Variants in KCNAB1 observed in about 807,000 individuals in gnomAD.
The protein encoded by KCNAB1 is voltage-gated potassium channel subunit beta-1.
KCNAB1 carries 35 observed loss-of-function variants against 64.6 expected under a neutral mutation model. That is an observed-to-expected ratio of 0.54 (90% CI 0.41 to 0.72). The LOEUF is 0.72. Ranked by LOEUF, KCNAB1 falls within the 30% of genes least tolerant of loss-of-function variation. The probability of loss-of-function intolerance (pLI) is 0.00; values close to 1 mark genes in which losing one functional copy is unlikely to be tolerated. For missense variants in KCNAB1, 401 were observed against 512.9 expected (o/e 0.78, Z 2.11); for synonymous variants, 177 against 183.8 (o/e 0.96, Z 0.30).
At chr3:156,280,964 C>T (rs1002322477) in intron 1 of KCNAB1, among the ~76,000 whole-genome samples, 1 of 149,772 alleles carries the variant, frequency 6.7e-6, no homozygotes, top group African/African-American at 2.5e-5. Flanking sequence ...ATTTCCTTCT[C>T]CTGCCTAATT....
intron 8 of KCNAB1, among the ~76,000 whole-genome samples, chr3:156,482,484 G>A (rs528787110): frequency 5.3e-5 from 8 of 151,442 alleles, no homozygotes; most frequent in Non-Finnish European, 1.0e-4. Flanking sequence ...CTAATCATGG[G>A]AGGGGGCTAG....
At chr3:156,348,508 C>T (rs538111402) in intron 1 of KCNAB1, among the ~76,000 whole-genome samples, 67 of 152,096 alleles carry the variant, frequency 4.4e-4, no homozygotes, top group Admixed American at 9.2e-4. Context: ...GCCTGAGATG[C>T]GGGGATGGTG....
intron 1 of KCNAB1, among the ~76,000 whole-genome samples, chr3:156,326,723 C>T (rs1212870503): frequency 6.6e-6 from 1 of 152,150 alleles, no homozygotes; most frequent in African/African-American, 2.4e-5. Context: ...CAGCATTTGG[C>T]ATGGCTCCCT....
At chr3:156,228,085 G>A (rs147561541) in intron 1 of KCNAB1, among the ~76,000 whole-genome samples, 2 of 152,168 alleles carry the variant, frequency 1.3e-5, no homozygotes, top group East Asian at 3.9e-4. Flanking sequence ...TTAAAATTTT[G>A]CACAATAATT....
intron 11 of KCNAB1, among the ~76,000 whole-genome samples, chr3:156,516,922 T>C (rs1002377000): frequency 6.6e-6 from 1 of 152,172 alleles, no homozygotes; most frequent in African/African-American, 2.4e-5. Flanking sequence ...TAAATTCTGC[T>C]CTGAAGCAAA....
chr3:156,143,297 A>G (rs1714815209), intron 1 of KCNAB1: 1 of 1,613,688 alleles, frequency 6.2e-7, no homozygotes, highest in Non-Finnish European at 8.5e-7. Flanking sequence ...ACTCAGCCTC[A>G]GGCGGCCTGC....
At chr3:156,346,268 G>A (rs1447676624) in intron 1 of KCNAB1, among the ~76,000 whole-genome samples, 1 of 151,988 alleles carries the variant, frequency 6.6e-6, no homozygotes, top group African/African-American at 2.4e-5. Flanking sequence ...CTTTTGAACT[G>A]GTAGGAGAAA....
intron 1 of KCNAB1, among the ~76,000 whole-genome samples, chr3:156,324,568 G>T (rs1313578912): frequency 1.3e-5 from 2 of 152,076 alleles, no homozygotes; most frequent in African/African-American, 4.8e-5. Context: ...CTAATTTGAT[G>T]CCACACGCTC....
chr3:156,425,884 G>GTTGC (rs1463472283), intron 2 of KCNAB1, among the ~76,000 whole-genome samples: 1 of 152,166 alleles, frequency 6.6e-6, no homozygotes, highest in Non-Finnish European at 1.5e-5. Flanking sequence ...GGGAACAAGG[G>GTTGC]TTGCCACTTG....
intron 7 of KCNAB1, among the ~76,000 whole-genome samples, chr3:156,469,342 C>T (rs897862355): frequency 3.3e-5 from 5 of 149,866 alleles, no homozygotes; most frequent in African/African-American, 9.9e-5. Flanking sequence ...CTGCAACCTC[C>T]GCCTCCAGGG....
At chr3:156,416,830 T>C (rs1472407744) in intron 1 of KCNAB1, among the ~76,000 whole-genome samples, 1 of 152,258 alleles carries the variant, frequency 6.6e-6, no homozygotes, top group African/African-American at 2.4e-5. Flanking sequence ...TCGGGTGTTT[T>C]ATTTGTCCAA....
chr3:156,258,212 CA>C (rs1241790426), intron 1 of KCNAB1, among the ~76,000 whole-genome samples: 1 of 152,180 alleles, frequency 6.6e-6, no homozygotes, highest in Admixed American at 6.5e-5. Flanking sequence ...GTCACATATA[CA>C]CACCCAGAGC....
chr3:156,275,648 C>T (rs1265398601), intron 1 of KCNAB1, among the ~76,000 whole-genome samples: 3 of 152,174 alleles, frequency 2.0e-5, no homozygotes, highest in Non-Finnish European at 2.9e-5. Context: ...AGAATATTCA[C>T]AGCATCTTTA....
rs1433360485 is a variant in KCNAB1, at chr3:156,538,523, G to A, written c.*1776G>A. 1.3e-5 allele frequency: 2 copies of A among 152,210 alleles called. No homozygotes were observed. The highest frequency in any genetic ancestry group is 2.9e-5 in the Non-Finnish European group (2 of 68,028). The allele number at this position is 152,210 out of a possible 1,614,324, so 9.4% of individuals were successfully genotyped here. A position where few individuals can be genotyped will look rare whatever the true frequency, so the allele number is the denominator to read the frequency against. ...AGCGAACTGCTGTATGTATAGAGGA[G>A]CTGAGGTGCTGTCTAATGGGAAATG... is the stretch of plus-strand genomic sequence containing the variant. On this transcript the variant is annotated 3_prime_UTR_variant, in exon 14 of 14. Coordinates refer to ENST00000490337, the MANE Select transcript of KCNAB1 (RefSeq NM_172160.3).
chr3:156,411,865 C>T (rs1200596811), intron 1 of KCNAB1, among the ~76,000 whole-genome samples: 1 of 152,086 alleles, frequency 6.6e-6, no homozygotes, highest in Non-Finnish European at 1.5e-5. Context: ...TATCTGAGTT[C>T]TTTTATCTTA....
At chr3:156,176,456 G>A (rs896043179) in intron 1 of KCNAB1, 2 of 785,682 alleles carry the variant, frequency 2.5e-6, no homozygotes, top group African/African-American at 3.4e-5. Flanking sequence ...CACAAAGGAA[G>A]TATGTCCCTT....
intron 12 of KCNAB1, among the ~76,000 whole-genome samples, chr3:156,530,474 CG>C (rs1333547160): frequency 1.3e-5 from 2 of 151,978 alleles, no homozygotes. Flanking sequence ...AGGTCATTTT[CG>C]GGAAAAGAAA....
intron 13 of KCNAB1, among the ~76,000 whole-genome samples, chr3:156,533,848 G>A (rs1196825664): frequency 1.3e-5 from 2 of 152,156 alleles, no homozygotes; most frequent in South Asian, 2.1e-4. Context: ...GCCTAGGGAT[G>A]GCATATGAGG....
At chr3:156,226,086 C>G (rs1222158610) in intron 1 of KCNAB1, among the ~76,000 whole-genome samples, 1 of 151,966 alleles carries the variant, frequency 6.6e-6, no homozygotes, top group Non-Finnish European at 1.5e-5. Context: ...CATATGGAAC[C>G]AAAAAAGAGC....
Sources: gnomAD v4.1 joint callset for allele counts (sites outside exome capture counted in the v4.1 genomes callset) on GRCh38, gnomAD v4.1.1 for gene constraint, MANE v1.5 for transcripts, NCBI Gene and HGNC (gene_info 2026-07-23, HGNC 2026-07-21) for gene names.